HDGFL2: variants seen among roughly 807,000 people sequenced by gnomAD.
HDGFL2 encodes hepatoma-derived growth factor-related protein 2.
A neutral mutation model predicts 77.1 loss-of-function variants in HDGFL2; 36 were observed. The observed-to-expected ratio is 0.47, with a 90% CI of 0.36 to 0.62. The LOEUF is 0.62. Ranked by LOEUF, HDGFL2 falls within the 20% of genes least tolerant of loss-of-function variation. The probability of loss-of-function intolerance (pLI) is 0.00; values close to 1 mark genes in which losing one functional copy is unlikely to be tolerated. For synonymous variants in HDGFL2, 463 were observed against 413.1 expected, an observed-to-expected ratio of 1.12 and a Z score of -1.46; for missense variants, 976 against 973.4, an observed-to-expected ratio of 1.00 and a Z score of -0.04.
intron 3 of HDGFL2, among the ~76,000 whole-genome samples, chr19:4,485,067 A>G (rs1227060586): frequency 1.3e-5 from 2 of 152,040 alleles, no homozygotes; most frequent in African/African-American, 4.8e-5. Context: ...TGGCCTCCCA[A>G]AGTGCTGGGA....
chr19:4,476,305 G>T (rs1975072466), intron 3 of HDGFL2, among the ~76,000 whole-genome samples: 1 of 148,408 alleles, frequency 6.7e-6, no homozygotes, highest in Admixed American at 6.9e-5. Context: ...TGACTCTGCT[G>T]CCTCAGACGC....
chr19:4,493,923 T>TC, intron 7 of HDGFL2, 59 bp from the exon 8 acceptor site: 1 of 1,544,412 alleles, frequency 6.5e-7, no homozygotes, highest in East Asian at 2.4e-5. Flanking sequence ...TCCCAGGCAG[T>TC]CCCCTGGTCA....
intron 6 of HDGFL2, 45 bp from the exon 7 acceptor site, chr19:4,493,658 A>C: frequency 7.2e-7 from 1 of 1,396,960 alleles, no homozygotes; most frequent in Non-Finnish European, 9.3e-7. Flanking sequence ...CCCGCTTCTC[A>C]CGGTGGGGCT....
rs879103873 is a variant in HDGFL2 at position 4,501,959 on chromosome 19, G to A, written c.1965G>A (p.Gln655=). Residue 655 remains glutamine, a synonymous_variant, in exon 16 of 16, where the codon CAG becomes CAA. Transcript: ENST00000616600. ...PDLDRPGSDR[Q]ERERARGDSE... The stretch of plus-strand genomic sequence containing the variant: ...TGGACAGGCCTGGGAGCGACCGGCA[G>A]GAGCGCGAGAGGGCACGGGGGGACT... 8 of 1,503,066 alleles carry A rather than the reference G, an allele frequency of 5.3e-6. No individual in the cohort carries two copies. In the South Asian group the frequency reaches 1.0e-4, roughly 19 times the overall value. 93.1% of individuals were successfully genotyped at this position (1,503,066 alleles called of 1,614,324 possible).
intron 3 of HDGFL2, among the ~76,000 whole-genome samples, chr19:4,486,878 C>T (rs1013530838): frequency 5.9e-5 from 9 of 152,178 alleles, no homozygotes; most frequent in Admixed American, 4.6e-4. Context: ...AGCTCCTACC[C>T]CTTCCCATGC....
intron 9 of HDGFL2, 134 bp from the exon 10 acceptor site, chr19:4,496,168 C>T (rs1459661669): frequency 2.8e-6 from 2 of 717,784 alleles, no homozygotes; most frequent in Non-Finnish European, 4.9e-6. Context: ...CTCTCCCATC[C>T]TGCCCCAGCA....
At chr19:4,501,124 C>T (rs1599728314) in intron 14 of HDGFL2, 67 bp from the exon 15 acceptor site, 5 of 1,599,850 alleles carry the variant, frequency 3.1e-6, no homozygotes, top group East Asian at 2.3e-5. Flanking sequence ...CAGTCCTTGA[C>T]AGGCAAGGGT....
At chr19:4,486,041 A>T (rs1031804543) in intron 3 of HDGFL2, among the ~76,000 whole-genome samples, 3 of 142,392 alleles carry the variant, frequency 2.1e-5, no homozygotes, top group Non-Finnish European at 3.0e-5. Context: ...TGACAGAGTA[A>T]GACCCCGTCT....
At chr19:4,476,824 G>A (rs1166610760) in intron 3 of HDGFL2, among the ~76,000 whole-genome samples, 1 of 151,940 alleles carries the variant, frequency 6.6e-6, no homozygotes, top group Non-Finnish European at 1.5e-5. Flanking sequence ...GAGGTGGGGA[G>A]TGGGGGAACT....
chr19:4,494,052 T>G lies in HDGFL2; in HGVS notation c.909T>G (p.Ser303Arg). The change falls in exon 8 of 16, where the codon AGT becomes AGG. Residue 303 changes from serine (S) to arginine (R), a missense_variant. Around this residue, in one of 5 missense-constraint regions of HDGFL2, gnomAD observed 567 missense variants for 534.7 expected, o/e 1.06. Transcript: ENST00000616600. ...AACGGCCTCCGTCCAGCTCCAGCAG[T>G]GACAGGTGGGTGCTGGGGCTGGGGT... is the stretch of plus-strand genomic sequence containing the variant. ...KPERPPSSSS[S>R]DSDSDEVDRI... 1 of 1,606,900 alleles carries G rather than the reference T, an allele frequency of 6.2e-7. No homozygotes were observed. The highest frequency in any genetic ancestry group is 8.5e-7 in the Non-Finnish European group (1 of 1,177,294).
At chr19:4,499,979 G>A (rs987245857) in intron 14 of HDGFL2, among the ~76,000 whole-genome samples, 2 of 152,196 alleles carry the variant, frequency 1.3e-5, no homozygotes, top group African/African-American at 4.8e-5. Flanking sequence ...GACAGCACAC[G>A]CCTCCACCGT....
chr19:4,492,269 G>T (rs111229362), intron 6 of HDGFL2, among the ~76,000 whole-genome samples: 1 of 151,998 alleles, frequency 6.6e-6, no homozygotes, highest in Non-Finnish European at 1.5e-5. Flanking sequence ...GACCATGTAG[G>T]TGTGTATGTG....
chr19:4,492,566 GGT>G lies in HDGFL2; in HGVS notation c.678+736_678+737del, dbSNP rs1975546291. On this transcript the variant is annotated intron_variant, in intron 6 of 15. Coordinates refer to ENST00000616600, the MANE Select transcript of HDGFL2 (RefSeq NM_001001520.3). The stretch of plus-strand genomic sequence containing the variant: ...CTGTGTTGTGTGTGTTTGTGTGTCT[GGT>G]GTGTCCATGTGTATGGTTTGTGGTA... Among the ~76,000 whole-genome samples the G allele has an allele frequency of 3.3e-5, 5 of 151,570 alleles. No individual in the cohort carries two copies. In the South Asian group the frequency reaches 1.0e-3, roughly 32 times the overall value.
chr19:4,479,312 C>G lies in HDGFL2; in HGVS notation c.288+3729C>G, dbSNP rs535854070. Among the ~76,000 whole-genome samples, 3 of 150,834 alleles carry G rather than the reference C, an allele frequency of 2.0e-5. No homozygotes were observed. In the East Asian group the frequency reaches 6.0e-4, roughly 30 times the overall value. On this transcript the variant is annotated intron_variant, in intron 3 of 15. Transcript: ENST00000616600. ...AAAATACAAAAATTAGGCCGGGTGC[C>G]GTGGCTCATGCCTGTAATCCCAGCA...
rs1366871532 is a variant in HDGFL2 at position 4,499,569 on chromosome 19, G to A, written c.1654G>A (p.Gly552Ser). ...TACCCGGCTCAAGTCGCGGGTCCTC[G>A]GCCCAAAGATCGAGGCGGTGCAGAA... ...VYTRLKSRVL[G>S]PKIEAVQKVN... is the part of the protein sequence containing the mutation. The change falls in exon 14 of 16, where the codon GGC becomes AGC. Residue 552 changes from glycine to serine, a missense_variant. Around this residue, in one of 5 missense-constraint regions of HDGFL2, gnomAD observed 229 missense variants for 187.3 expected, o/e 1.22. Coordinates refer to ENST00000616600, the MANE Select transcript of HDGFL2 (RefSeq NM_001001520.3). The A allele has an allele frequency of 2.5e-6, 4 of 1,613,500 alleles. No homozygotes were observed. Among genetic ancestry groups the A allele is most frequent in the Non-Finnish European group, 2.5e-6 (3 of 1,179,836 alleles).
intron 3 of HDGFL2, among the ~76,000 whole-genome samples, chr19:4,486,961 CCTCT>C (rs1354501198): frequency 6.6e-6 from 1 of 151,432 alleles, no homozygotes; most frequent in African/African-American, 2.4e-5. Context: ...TAAACACTCT[CCTCT>C]CTCTCTCTTT....
intron 8 of HDGFL2, 49 bp downstream of exon 8, chr19:4,494,106 G>A (rs1056094925): frequency 6.6e-7 from 1 of 1,515,320 alleles, no homozygotes; most frequent in African/African-American, 1.4e-5. Flanking sequence ...CATCGGCTGA[G>A]GGGCAGGGCG....
Position 4,493,963 on chromosome 19 carries a change from C to G in HDGFL2, c.839-19C>G, listed in dbSNP as rs778249024. Reference sequence around the variant, plus strand: ...GGAGCCCTGGAAGGGAAGGTCACCCCCTCCTCCTCTTCCTGTAGCGGAGAA... The same window carrying G: ...GGAGCCCTGGAAGGGAAGGTCACCCGCTCCTCCTCTTCCTGTAGCGGAGAA... On this transcript the variant is annotated intron_variant, in intron 7 of 15. Coordinates refer to ENST00000616600, the MANE Select transcript of HDGFL2 (RefSeq NM_001001520.3). 1 of 1,600,730 alleles carries G rather than the reference C, an allele frequency of 6.2e-7. No homozygotes were observed. The highest frequency in any genetic ancestry group is 8.5e-7 in the Non-Finnish European group (1 of 1,173,862).
intron 15 of HDGFL2, 84 bp from the exon 16 acceptor site, chr19:4,501,827 C>A: frequency 9.7e-7 from 1 of 1,033,288 alleles, no homozygotes. Context: ...GGGTACACTC[C>A]TCGGTGCCCA....
Sources: gnomAD v4.1 joint callset for allele counts (sites outside exome capture counted in the v4.1 genomes callset) on GRCh38, gnomAD v4.1.1 for gene constraint, gnomAD v4.1.1 regional missense constraint, MANE v1.5 for transcripts, NCBI Gene and HGNC (gene_info 2026-07-23, HGNC 2026-07-21) for gene names.